STXBP5L: variants seen among roughly 807,000 people sequenced by gnomAD.
STXBP5L encodes the protein syntaxin-binding protein 5-like.
STXBP5L carries 65 observed loss-of-function variants against 144.5 expected under a neutral mutation model. The observed-to-expected ratio is 0.45, with a 90% CI of 0.37 to 0.55. The LOEUF is 0.55. STXBP5L is among the 20% of genes least tolerant of loss of function. STXBP5L has a pLI of 0.00. For missense variants in STXBP5L, 1,298 were observed against 1,405.5 expected (o/e 0.92, Z 1.22); for synonymous variants, 505 against 469.6 (o/e 1.08, Z -0.97).
At chr3:121,396,892 G>C (rs758704004) in intron 22 of STXBP5L, among the ~76,000 whole-genome samples, 1 of 152,172 alleles carries the variant, frequency 6.6e-6, no homozygotes, top group Admixed American at 6.5e-5. Context: ...TAAAGTCATC[G>C]GTTGTTCATC....
At chr3:121,375,514 A>AT (rs529017800) in intron 20 of STXBP5L, among the ~76,000 whole-genome samples, 26 of 152,220 alleles carry the variant, frequency 1.7e-4, no homozygotes, top group Admixed American at 1.6e-3. Context: ...TTTCTTACTG[A>AT]TTTTTTCTGA....
At chr3:121,347,285 G>T (rs1053927178) in intron 20 of STXBP5L, among the ~76,000 whole-genome samples, 1 of 152,050 alleles carries the variant, frequency 6.6e-6, no homozygotes, top group Non-Finnish European at 1.5e-5. Context: ...TTATTTCTGA[G>T]GGCTCTATTC....
rs557615209 is a variant in STXBP5L at position 120,914,810 on chromosome 3, A to C, written c.189+5043A>C. Among the ~76,000 whole-genome samples, 3 of 152,264 alleles carry C rather than the reference A, an allele frequency of 2.0e-5. No homozygotes were observed. In the South Asian group the frequency reaches 6.2e-4, roughly 32 times the overall value. ...AGAATGGTAATGGAGGCAAGGAAGA[A>C]TTAATCTACCATTAAGACTAAGATG... On this transcript the variant is annotated intron_variant, in intron 2 of 26. Coordinates refer to ENST00000471454, the MANE Select transcript of STXBP5L (RefSeq NM_001308330.2).
intron 22 of STXBP5L, among the ~76,000 whole-genome samples, chr3:121,403,131 T>C (rs1042367999): frequency 2.0e-5 from 3 of 152,130 alleles, no homozygotes; most frequent in Non-Finnish European, 4.4e-5. Context: ...TATCATCACA[T>C]CTACCAACCT....
intron 5 of STXBP5L, among the ~76,000 whole-genome samples, chr3:121,057,834 ATC>A (rs1057150863): frequency 2.0e-5 from 3 of 151,952 alleles, no homozygotes; most frequent in South Asian, 2.1e-4. Flanking sequence ...TTCTTTTTAT[ATC>A]TCTTTTTTCT....
At chr3:120,956,159 G>T (rs1174262344) in intron 3 of STXBP5L, among the ~76,000 whole-genome samples, 1 of 151,890 alleles carries the variant, frequency 6.6e-6, no homozygotes, top group African/African-American at 2.4e-5. Context: ...ATGCCCAGGA[G>T]TACAACTGAA....
At chr3:120,958,049 G>C (rs567708949) in intron 3 of STXBP5L, among the ~76,000 whole-genome samples, 1 of 151,970 alleles carries the variant, frequency 6.6e-6, no homozygotes, top group East Asian at 1.9e-4. Context: ...GAGTCAAATA[G>C]ACACAATAAA....
At chr3:121,052,163 C>G (rs1316890092) in intron 5 of STXBP5L, among the ~76,000 whole-genome samples, 1 of 152,190 alleles carries the variant, frequency 6.6e-6, no homozygotes, top group Non-Finnish European at 1.5e-5. Context: ...CAAGGAGGAG[C>G]TGGTACCATT....
intron 3 of STXBP5L, among the ~76,000 whole-genome samples, chr3:120,975,018 C>G (rs536178794): frequency 6.6e-6 from 1 of 152,070 alleles, no homozygotes; most frequent in African/African-American, 2.4e-5. Flanking sequence ...ATTGACTTGG[C>G]GATGCGGGCT....
At chr3:120,963,921 A>G (rs962234552) in intron 3 of STXBP5L, among the ~76,000 whole-genome samples, 9 of 152,136 alleles carry the variant, frequency 5.9e-5, no homozygotes, top group African/African-American at 1.7e-4. Context: ...TTTGGTTGGT[A>G]GGCTATTAAT....
At chr3:121,188,711 A>G (rs1012478186) in intron 9 of STXBP5L, among the ~76,000 whole-genome samples, 3 of 152,230 alleles carry the variant, frequency 2.0e-5, no homozygotes, top group African/African-American at 7.2e-5. Flanking sequence ...CAAAAACCAC[A>G]TGATTATCTC....
chr3:121,205,724 G>A (rs1346456911), intron 9 of STXBP5L, among the ~76,000 whole-genome samples, 199 bp from the exon 10 acceptor site: 1 of 152,050 alleles, frequency 6.6e-6, no homozygotes, highest in Non-Finnish European at 1.5e-5. Flanking sequence ...TTATATAGCA[G>A]ACAATTATTG....
intron 4 of STXBP5L, among the ~76,000 whole-genome samples, chr3:121,043,848 A>G (rs1475340943): frequency 6.6e-6 from 1 of 152,164 alleles, no homozygotes; most frequent in East Asian, 1.9e-4. Context: ...GCATGTAACT[A>G]TCTCTTGTAG....
At chr3:121,378,344 A>T (rs748144391) in intron 20 of STXBP5L, among the ~76,000 whole-genome samples, 12 of 152,294 alleles carry the variant, frequency 7.9e-5, no homozygotes, top group Middle Eastern at 3.4e-3. Context: ...AATTTTTTTT[A>T]AAATGCTTCT....
intron 7 of STXBP5L, among the ~76,000 whole-genome samples, chr3:121,125,335 G>A (rs1171975295): frequency 2.0e-5 from 3 of 152,004 alleles, no homozygotes; most frequent in African/African-American, 7.2e-5. Context: ...AGCCTTGTGT[G>A]GTGGCATGCG....
chr3:121,185,742 G>T (rs1286391602), intron 9 of STXBP5L, among the ~76,000 whole-genome samples: 5 of 152,150 alleles, frequency 3.3e-5, no homozygotes, highest in Admixed American at 2.0e-4. Context: ...GATGCCTCCA[G>T]ATTTATTCTT....
chr3:120,970,392 G>T (rs759522949), intron 3 of STXBP5L, among the ~76,000 whole-genome samples: 12 of 151,998 alleles, frequency 7.9e-5, no homozygotes, highest in Non-Finnish European at 1.6e-4. Flanking sequence ...AATTCTCTCA[G>T]CTTCTGTTTG....
chr3:121,317,857 G>A (rs2043835800), intron 19 of STXBP5L, among the ~76,000 whole-genome samples: 1 of 151,884 alleles, frequency 6.6e-6, no homozygotes, highest in Non-Finnish European at 1.5e-5. Context: ...AACACAGTAT[G>A]TAATATACAA....
chr3:121,194,528 CTT>C (rs2047843470), intron 9 of STXBP5L, among the ~76,000 whole-genome samples: 1 of 150,700 alleles, frequency 6.6e-6, no homozygotes, highest in African/African-American at 2.4e-5. Flanking sequence ...AAAAAAGTAA[CTT>C]TGTGTTTAAC....
Sources: gnomAD v4.1 joint callset for allele counts (sites outside exome capture counted in the v4.1 genomes callset) on GRCh38, gnomAD v4.1.1 for gene constraint, MANE v1.5 for transcripts, NCBI Gene and HGNC (gene_info 2026-07-23, HGNC 2026-07-21) for gene names.